Variants in RBFOX1 observed in about 807,000 individuals in gnomAD.
RBFOX1 encodes RNA binding protein fox-1 homolog 1.
A neutral mutation model predicts 57.7 loss-of-function variants in RBFOX1; 8 were observed. The ratio of observed to expected loss-of-function variants is 0.14; its 90% CI spans 0.08 to 0.25. The LOEUF is 0.25. Among genes scored for constraint, RBFOX1 ranks in the 10% least tolerant of loss-of-function variants. RBFOX1 has a pLI of 1.00. For missense variants in RBFOX1, 611 were observed against 548.5 expected, an observed-to-expected ratio of 1.11 and a Z score of -1.14; for synonymous variants, 326 against 222.4, an observed-to-expected ratio of 1.47 and a Z score of -4.15.
intron 3 of RBFOX1, among the ~76,000 whole-genome samples, chr16:5,637,582 A>G (rs905900600): frequency 5.3e-5 from 8 of 152,244 alleles, no homozygotes; most frequent in Admixed American, 4.6e-4. Flanking sequence ...ATTGCTGTTC[A>G]TATGTTTATG....
chr16:6,225,624 G>C (rs2097410869), intron 1 of RBFOX1, among the ~76,000 whole-genome samples: 2 of 152,108 alleles, frequency 1.3e-5, no homozygotes, highest in Non-Finnish European at 2.9e-5. Context: ...TGGAAGAAAG[G>C]GAATTGCTCA....
chr16:7,344,600 AT>A (rs1218965370), intron 4 of RBFOX1, among the ~76,000 whole-genome samples: 1 of 151,772 alleles, frequency 6.6e-6, no homozygotes, highest in Non-Finnish European at 1.5e-5. Context: ...AATAATTATT[AT>A]TTCTACTCTT....
intron 1 of RBFOX1, among the ~76,000 whole-genome samples, chr16:6,036,907 G>GA (rs2095372419): frequency 6.6e-6 from 1 of 152,148 alleles, no homozygotes; most frequent in South Asian, 2.1e-4. Context: ...ATAACTTTCA[G>GA]ACTCTTTTAC....
At chr16:5,385,046 A>G (rs1000076161) in intron 1 of RBFOX1, among the ~76,000 whole-genome samples, 1 of 152,238 alleles carries the variant, frequency 6.6e-6, no homozygotes, top group Non-Finnish European at 1.5e-5. Flanking sequence ...TGTTAACACA[A>G]AAGAAGAACA....
intron 3 of RBFOX1, among the ~76,000 whole-genome samples, chr16:7,047,242 G>T (rs777251317): frequency 1.3e-5 from 2 of 152,056 alleles, no homozygotes; most frequent in African/African-American, 4.8e-5. Flanking sequence ...GGGCAGGTCT[G>T]TCTGCAGTGA....
At chr16:6,473,014 C>T (rs965979960) in intron 2 of RBFOX1, among the ~76,000 whole-genome samples, 1 of 152,094 alleles carries the variant, frequency 6.6e-6, no homozygotes, top group South Asian at 2.1e-4. Flanking sequence ...ACTCTTCCAC[C>T]TTTACAAGAT....
At chr16:7,520,424 C>T (rs2077288222) in intron 5 of RBFOX1, among the ~76,000 whole-genome samples, 2 of 152,140 alleles carry the variant, frequency 1.3e-5, no homozygotes, top group Non-Finnish European at 2.9e-5. Flanking sequence ...CAGACACTCC[C>T]CATTCTCCCT....
chr16:7,497,079 G>A (rs1223850798), intron 4 of RBFOX1, among the ~76,000 whole-genome samples: 1 of 152,072 alleles, frequency 6.6e-6, no homozygotes, highest in Non-Finnish European at 1.5e-5. Context: ...CCATTTAGTG[G>A]CCAGCGTGGT....
chr16:6,184,423 CAG>C (rs1368162254), intron 1 of RBFOX1, among the ~76,000 whole-genome samples: 2 of 152,250 alleles, frequency 1.3e-5, no homozygotes, highest in Admixed American at 6.5e-5. Context: ...GTAAATGGAA[CAG>C]AACTTGCAGG....
intron 1 of RBFOX1, among the ~76,000 whole-genome samples, chr16:6,207,346 C>G (rs913274592): frequency 6.6e-6 from 1 of 152,186 alleles, no homozygotes; most frequent in African/African-American, 2.4e-5. Context: ...ATAAAATTAT[C>G]TAGCAGCCAA....
chr16:7,001,387 TGTATG>T (rs2092777530), intron 3 of RBFOX1, among the ~76,000 whole-genome samples: 4 of 133,158 alleles, frequency 3.0e-5, no homozygotes, highest in South Asian at 2.3e-4. Context: ...TATGTGTATG[TGTATG>T]TGTATTTGTA....
At chr16:5,768,843 C>G (rs2053879395) in intron 3 of RBFOX1, among the ~76,000 whole-genome samples, 1 of 151,910 alleles carries the variant, frequency 6.6e-6, no homozygotes, top group East Asian at 1.9e-4. Context: ...AGAGAAGATG[C>G]TCGACTACAC....
intron 2 of RBFOX1, among the ~76,000 whole-genome samples, chr16:6,576,743 C>T (rs367803471): frequency 3.3e-5 from 5 of 152,146 alleles, no homozygotes; most frequent in East Asian, 3.9e-4. Flanking sequence ...TTTACTGCAA[C>T]GTTAGGGATT....
intron 4 of RBFOX1, among the ~76,000 whole-genome samples, chr16:5,886,231 C>G (rs1412869285): frequency 1.3e-5 from 2 of 152,172 alleles, no homozygotes; most frequent in African/African-American, 4.8e-5. Flanking sequence ...CAAAAATTGA[C>G]TAATACCGTT....
At chr16:6,326,246 A>C (rs1169205726) in intron 2 of RBFOX1, among the ~76,000 whole-genome samples, 4 of 152,196 alleles carry the variant, frequency 2.6e-5, no homozygotes, top group Non-Finnish European at 4.4e-5. Context: ...TAGCTATGGA[A>C]AAATTTTGAT....
intron 15 of RBFOX1, chr16:7,709,469 C>CCT: frequency 7.0e-7 from 1 of 1,437,692 alleles, no homozygotes; most frequent in Non-Finnish European, 9.1e-7. Flanking sequence ...TTTTTTTTTC[C>CCT]CTCCCTTGCT....
At chr16:7,229,299 G>A (rs930168480) in intron 4 of RBFOX1, among the ~76,000 whole-genome samples, 1 of 152,136 alleles carries the variant, frequency 6.6e-6, no homozygotes, top group Admixed American at 6.5e-5. Context: ...AGGAGACCCT[G>A]AGATGGCCCA....
chr16:7,420,946 C>G (rs903657725), intron 4 of RBFOX1, among the ~76,000 whole-genome samples: 14 of 148,014 alleles, frequency 9.5e-5, no homozygotes, highest in Admixed American at 8.8e-4. Flanking sequence ...TATACACACA[C>G]ACACACACAC....
At chr16:6,387,838 C>T (rs749586106) in intron 2 of RBFOX1, among the ~76,000 whole-genome samples, 6 of 152,062 alleles carry the variant, frequency 3.9e-5, no homozygotes, top group East Asian at 3.9e-4. Flanking sequence ...AGGAGAGCTT[C>T]GTCTGTCTCA....
Sources: allele counts gnomAD v4.1 joint callset (sites outside exome capture counted in the v4.1 genomes callset), GRCh38; gene constraint gnomAD v4.1.1; transcripts MANE v1.5; gene names NCBI Gene and HGNC (gene_info 2026-07-23, HGNC 2026-07-21).